CDH20: variants seen among roughly 807,000 people sequenced by gnomAD.
The protein encoded by CDH20 is cadherin-20.
In CDH20, 29 loss-of-function variants were observed where a neutral mutation model predicts 74.2. The ratio of observed to expected loss-of-function variants is 0.39; its 90% confidence interval spans 0.29 to 0.53. The LOEUF (loss-of-function observed/expected upper bound fraction) is 0.53. CDH20 is among the 20% of genes least tolerant of loss of function. The pLI, the probability that CDH20 is intolerant of heterozygous loss-of-function variation, is 0.69. For missense variants in CDH20, 988 were observed against 1,048.3 expected, an observed-to-expected ratio of 0.94 and a Z score of 0.79; for synonymous variants, 469 against 405.4, an observed-to-expected ratio of 1.16 and a Z score of -1.88.
intron 1 of CDH20, among the ~76,000 whole-genome samples, chr18:61,429,027 C>T (rs1424653429): frequency 1.3e-5 from 2 of 152,108 alleles, no homozygotes; most frequent in African/African-American, 4.8e-5. Flanking sequence ...CACCCTGTGA[C>T]ATATCTTAGG....
intron 10 of CDH20, among the ~76,000 whole-genome samples, chr18:61,546,609 A>C (rs902939787): frequency 1.3e-5 from 2 of 152,222 alleles, no homozygotes; most frequent in Non-Finnish European, 2.9e-5. Context: ...AACACATTGT[A>C]ACACATTATA....
intron 1 of CDH20, among the ~76,000 whole-genome samples, chr18:61,344,561 C>T (rs73443792): frequency 1.3e-5 from 2 of 152,148 alleles, no homozygotes; most frequent in African/African-American, 2.4e-5. Flanking sequence ...AAATATCTTC[C>T]GAAGAATAAA....
Position 61,550,097 on chromosome 18 carries a change from C to A in CDH20, c.1768C>A (p.Leu590Met). 1 of 1,614,260 alleles carries A rather than the reference C, an allele frequency of 6.2e-7. No individual in the cohort carries two copies. The change falls in exon 11 of 12, where the codon CTG (leucine) becomes ATG (methionine). Residue 590 changes from leucine to methionine, a missense_variant. By Grantham distance (15) the Leu-to-Met change is conservative (BLOSUM62 2). Coordinates refer to ENST00000262717, the MANE Select transcript of CDH20 (RefSeq NM_031891.4). ...GCCCGTGCTGAGCAGCACAGGCACA[C>A]TGACCATCCAAGTGTGCAGCTGTGA... ...GQPVLSSTGT[L>M]TIQVCSCDDD...
intron 1 of CDH20, among the ~76,000 whole-genome samples, chr18:61,335,828 C>T (rs1306725248): frequency 2.0e-5 from 3 of 152,170 alleles, no homozygotes; most frequent in Non-Finnish European, 4.4e-5. Context: ...GCATGTGTGC[C>T]ATGTGGCAGT....
intron 1 of CDH20, among the ~76,000 whole-genome samples, chr18:61,339,836 C>T (rs1909886442): frequency 3.3e-5 from 5 of 151,786 alleles, no homozygotes; most frequent in Admixed American, 3.3e-4. Context: ...TACAGGTGCC[C>T]GCCACCATGC....
At chr18:61,418,292 C>T (rs1912759137) in intron 1 of CDH20, among the ~76,000 whole-genome samples, 1 of 152,112 alleles carries the variant, frequency 6.6e-6, no homozygotes, top group African/African-American at 2.4e-5. Flanking sequence ...TGGTGGCTCA[C>T]GCCTGTAATC....
chr18:61,372,958 A>C (rs1599042738), intron 1 of CDH20, among the ~76,000 whole-genome samples: 1 of 152,238 alleles, frequency 6.6e-6, no homozygotes, highest in Non-Finnish European at 1.5e-5. Flanking sequence ...GATAGAACGT[A>C]ATTCTTCCAG....
intron 1 of CDH20, among the ~76,000 whole-genome samples, chr18:61,447,449 A>T (rs1909239297): frequency 6.6e-6 from 1 of 152,324 alleles, no homozygotes; most frequent in Admixed American, 6.5e-5. Flanking sequence ...CTCTTGAAAC[A>T]TCAAGAGATC....
chr18:61,499,983 AG>A (rs1197630306), intron 3 of CDH20, among the ~76,000 whole-genome samples: 2 of 151,840 alleles, frequency 1.3e-5, no homozygotes, highest in African/African-American at 4.8e-5. Context: ...GCGCACCTAT[AG>A]TCCCAGCTAC....
intron 5 of CDH20, among the ~76,000 whole-genome samples, chr18:61,503,607 A>T (rs1911462840): frequency 6.6e-6 from 1 of 151,974 alleles, no homozygotes; most frequent in Admixed American, 6.6e-5. Flanking sequence ...TTCACCAATC[A>T]CTCCAGTAGG....
chr18:61,399,898 T>C (rs1912102321), intron 1 of CDH20, among the ~76,000 whole-genome samples: 2 of 152,212 alleles, frequency 1.3e-5, no homozygotes, highest in Non-Finnish European at 2.9e-5. Context: ...AAGCCATTGA[T>C]TCCGTGTATT....
At chr18:61,391,622 T>TAA (rs1382303236) in intron 1 of CDH20, 3 of 152,206 alleles carry the variant, frequency 2.0e-5, no homozygotes, top group Admixed American at 6.6e-5. Context: ...ACATATATAC[T>TAA]AAAATTGGAA....
chr18:61,511,530 C>A (rs574553971), intron 6 of CDH20, among the ~76,000 whole-genome samples: 8 of 151,946 alleles, frequency 5.3e-5, no homozygotes, highest in Non-Finnish European at 8.8e-5. Context: ...ATTAAGCAAC[C>A]AGAAAAAGAA....
At position 61,538,158 on chromosome 18, in the gene CDH20, A is replaced by C. The variant is rs1912876645; in HGVS notation, c.1409-866A>C. On this transcript the variant is annotated intron_variant, in intron 8 of 11. Transcript: ENST00000262717. Reference sequence around the variant, plus strand: ...AGTCCCTAAGCAGAAATAAATGTGCAGTGTTATCTTTATTCCAGTGAATAA... The same window carrying C: ...AGTCCCTAAGCAGAAATAAATGTGCCGTGTTATCTTTATTCCAGTGAATAA... 2.0e-5 allele frequency among the ~76,000 whole-genome samples: 3 copies of C among 152,222 alleles called. No individual in the cohort carries two copies. In the South Asian group the frequency reaches 6.2e-4, roughly 32 times the overall value.
rs576889134 is a variant in CDH20 at position 61,492,456 on chromosome 18, A to G, written c.246+1657A>G. On this transcript the variant is annotated intron_variant, in intron 2 of 11. Transcript: ENST00000262717. ...TTAAGTCACATCATGTCACTCCTCT[A>G]CTTACGTCTCTTCAATGTTTTCCCA... Among the ~76,000 whole-genome samples, 3 of 152,080 alleles carry G rather than the reference A, an allele frequency of 2.0e-5. No homozygotes were observed. The South Asian group carries it at 6.2e-4, about 32-fold the overall frequency.
At chr18:61,495,901 G>T (rs1371540827) in intron 2 of CDH20, among the ~76,000 whole-genome samples, 1 of 152,012 alleles carries the variant, frequency 6.6e-6, no homozygotes, top group East Asian at 1.9e-4. Context: ...AACCACCTCT[G>T]TGTAAGTAGA....
intron 1 of CDH20, among the ~76,000 whole-genome samples, chr18:61,410,329 A>T (rs1912454868): frequency 6.6e-6 from 1 of 152,224 alleles, no homozygotes; most frequent in South Asian, 2.1e-4. Context: ...AATAAAGCTT[A>T]TGACATACCA....
At chr18:61,336,246 C>T (rs933493720) in intron 1 of CDH20, among the ~76,000 whole-genome samples, 2 of 152,242 alleles carry the variant, frequency 1.3e-5, no homozygotes, top group African/African-American at 4.8e-5. Flanking sequence ...AGGAAGAGGA[C>T]TCCCTGAGAT....
At chr18:61,433,758 T>C (rs1349229043) in intron 1 of CDH20, among the ~76,000 whole-genome samples, 1 of 152,224 alleles carries the variant, frequency 6.6e-6, no homozygotes, top group African/African-American at 2.4e-5. Flanking sequence ...TGCTTGCTGT[T>C]ATATTTGGGA....
Sources: gnomAD v4.1 joint callset for allele counts (sites outside exome capture counted in the v4.1 genomes callset) on GRCh38, gnomAD v4.1.1 for gene constraint, MANE v1.5 for transcripts, NCBI Gene and HGNC (gene_info 2026-07-23, HGNC 2026-07-21) for gene names.